Variants in LMF1 observed in about 807,000 individuals in gnomAD.
LMF1 encodes the protein lipase maturation factor 1.
LMF1 carries 68 observed loss-of-function variants against 60.6 expected under a neutral mutation model. The ratio of observed to expected loss-of-function variants is 1.12; its 90% confidence interval spans 0.92 to 1.37. The LOEUF (loss-of-function observed/expected upper bound fraction) is 1.37, where lower values mean the gene tolerates loss of function less well. Among genes scored for constraint, LMF1 ranks in the 40% most tolerant of loss-of-function variants. The pLI, the probability that LMF1 is intolerant of heterozygous loss-of-function variation, is 0.00. For missense variants in LMF1, 948 were observed against 767.2 expected (o/e 1.24, Z -2.78); for synonymous variants, 418 against 324.7 (o/e 1.29, Z -3.09).
chr16:966,036 C>G (rs369267643), intron 1 of LMF1, among the ~76,000 whole-genome samples: 14 of 152,104 alleles, frequency 9.2e-5, no homozygotes, highest in African/African-American at 2.2e-4. Context: ...CGGTGGTCAG[C>G]CCTGGGTGGG....
At chr16:896,706 G>A (rs573312054) in intron 4 of LMF1, among the ~76,000 whole-genome samples, 3 of 152,316 alleles carry the variant, frequency 2.0e-5, no homozygotes, top group South Asian at 2.1e-4. Context: ...CCCCCCGCAT[G>A]AGCACCAGCT....
At chr16:969,280 G>A (rs973063440) in intron 1 of LMF1, among the ~76,000 whole-genome samples, 1 of 151,982 alleles carries the variant, frequency 6.6e-6, no homozygotes, top group Non-Finnish European at 1.5e-5. Context: ...GTGCCGTTGC[G>A]CTCCAGCCTG....
chr16:856,736 G>A (rs2069194633), intron 10 of LMF1, among the ~76,000 whole-genome samples: 1 of 152,264 alleles, frequency 6.6e-6, no homozygotes, highest in African/African-American at 2.4e-5. Flanking sequence ...GGCCTGAAGG[G>A]TTGCATTTCA....
At chr16:954,971 T>TCTAAGCGAACCAGACACGTTACAAA (rs2072641607) in intron 1 of LMF1, among the ~76,000 whole-genome samples, 1 of 84,066 alleles carries the variant, frequency 1.2e-5, no homozygotes, top group African/African-American at 6.2e-5. Flanking sequence ...CACACACACA[T>TCTAAGCGAACCAGACACGTTACAAA]ATCTAAGTGA....
intron 1 of LMF1, among the ~76,000 whole-genome samples, chr16:965,204 C>T (rs747133874): frequency 2.6e-5 from 4 of 152,208 alleles, no homozygotes; most frequent in Non-Finnish European, 4.4e-5. Flanking sequence ...TAGGGCCTCG[C>T]GGAAGCCATG....
intron 2 of LMF1, among the ~76,000 whole-genome samples, chr16:936,325 G>A (rs1478897581): frequency 2.1e-5 from 3 of 141,724 alleles, no homozygotes; most frequent in Admixed American, 7.1e-5. Flanking sequence ...AAGGTGGCTG[G>A]GAGAGAGAGG....
At chr16:855,451 G>C in intron 10 of LMF1, 1 of 354,858 alleles carries the variant, frequency 2.8e-6, no homozygotes, top group Admixed American at 3.8e-5. Context: ...TCCCTGGCTG[G>C]CAAGCCCTCA....
intron 3 of LMF1, among the ~76,000 whole-genome samples, chr16:919,229 C>A (rs890960859): frequency 4.6e-5 from 7 of 152,132 alleles, no homozygotes; most frequent in African/African-American, 7.2e-5. Context: ...CAGGCACGAT[C>A]CACCCCACGT....
Position 907,482 on chromosome 16 carries a change from A to C in LMF1, c.663+3449T>G, listed in dbSNP as rs1206557572. On this transcript the variant is annotated intron_variant, in intron 4 of 10. Transcript: ENST00000262301. ...CAGCTGACGTCCAGCTCCGGCGGGC[A>C]CAGAGGCTGTGGCTTCTCCTTCCCT... Among the ~76,000 whole-genome samples, 3 of 151,806 alleles carry C rather than the reference A, an allele frequency of 2.0e-5. No homozygotes were observed. In the East Asian group the frequency reaches 5.8e-4, roughly 29 times the overall value.
chr16:937,502 G>T lies in LMF1; in HGVS notation c.504-3248C>A, dbSNP rs561763318. On this transcript the variant is annotated intron_variant, in intron 2 of 10. Coordinates refer to ENST00000262301, the MANE Select transcript of LMF1 (RefSeq NM_022773.4). ...TGGGGTCTCTGTTGACTGACAGGCT[G>T]CTGGGGTCTCTGTTGACCGACAGGC... Among the ~76,000 whole-genome samples the T allele has an allele frequency of 4.7e-5, 7 of 148,484 alleles. No individual in the cohort carries two copies. In the South Asian group the frequency reaches 1.5e-3, roughly 31 times the overall value.
chr16:924,766 C>CAACT (rs765654726), intron 3 of LMF1, among the ~76,000 whole-genome samples: 1 of 152,190 alleles, frequency 6.6e-6, no homozygotes, highest in Non-Finnish European at 1.5e-5. Context: ...AAAAAGCAAG[C>CAACT]AACTACAAGA....
rs746420044 is a variant in LMF1 at position 934,232 on chromosome 16, C to T, written c.514+12G>A. ...ACTCTCGCAGAGCTTTCTCTAAATG[C>T]ATCTCACTTACCGAAAGAGTACCTG... is the stretch of plus-strand genomic sequence containing the variant. On this transcript the variant is annotated intron_variant, in intron 3 of 10. Transcript: ENST00000262301. 3 of 1,599,376 alleles carry T rather than the reference C, an allele frequency of 1.9e-6. No individual in the cohort carries two copies. Among genetic ancestry groups the T allele is most frequent in the South Asian group, 1.1e-5 (1 of 91,082 alleles).
Position 871,343 on chromosome 16 carries a change from T to G in LMF1, c.898-2A>C, listed in dbSNP as rs1438763373. The G allele has an allele frequency of 6.2e-7, 1 of 1,611,266 alleles. No homozygotes were observed. The highest frequency in any genetic ancestry group is 1.3e-5 in the African/African-American group (1 of 74,786). On this transcript the variant is annotated splice_acceptor_variant, in intron 6 of 10. Transcript: ENST00000262301. LOFTEE classifies it high-confidence loss of function. ...GTTCCCGCTGACGATGAGGACGGCC[T>G]GTGGAGACGCCGCAGCTGAGTCTCG... is the stretch of plus-strand genomic sequence containing the variant.
chr16:892,496 A>C (rs887176085), intron 5 of LMF1, among the ~76,000 whole-genome samples: 3 of 152,246 alleles, frequency 2.0e-5, no homozygotes, highest in African/African-American at 7.2e-5. Flanking sequence ...GTTGGCAGGA[A>C]CTGGGGCGTC....
intron 2 of LMF1, among the ~76,000 whole-genome samples, chr16:942,107 C>T (rs2072114705): frequency 6.6e-6 from 1 of 152,172 alleles, no homozygotes; most frequent in Non-Finnish European, 1.5e-5. Flanking sequence ...GCTGGCAAAG[C>T]CTTCTCTCAG....
intron 10 of LMF1, among the ~76,000 whole-genome samples, chr16:857,440 C>T (rs1368302895): frequency 3.4e-5 from 5 of 148,834 alleles, no homozygotes; most frequent in African/African-American, 1.0e-4. Flanking sequence ...AGTGGTGTCA[C>T]GGGACGGGTG....
At chr16:900,229 A>G (rs1172102554) in intron 4 of LMF1, 1 of 152,164 alleles carries the variant, frequency 6.6e-6, no homozygotes, top group Non-Finnish European at 1.5e-5. Flanking sequence ...CAGCCTGGCT[A>G]TGGCTTCCTG....
At chr16:955,681 C>T (rs1305276457) in intron 1 of LMF1, among the ~76,000 whole-genome samples, 1 of 152,182 alleles carries the variant, frequency 6.6e-6, no homozygotes, top group African/African-American at 2.4e-5. Context: ...GCAGCAGATG[C>T]AGTGTGTATA....
Position 858,958 on chromosome 16 carries a change from G to GGTGTGAGTGGTGTCACGGGACGC in LMF1, c.1530-4253_1530-4252insGCGTCCCGTGACACCACTCACAC, listed in dbSNP as rs2069318308. ...GGGTGTGCAGTGGTGTCACGGGACG[G>GGTGTGAGTGGTGTCACGGGACGC]GTGTGCAGTGGTGTCACGGGACGGG... On this transcript the variant is annotated intron_variant, in intron 10 of 10. Transcript: ENST00000262301. Among the ~76,000 whole-genome samples, 2 of 37,346 alleles carry GGTGTGAGTGGTGTCACGGGACGC rather than the reference G, an allele frequency of 5.4e-5. 1 individual carries two copies. Among genetic ancestry groups the GGTGTGAGTGGTGTCACGGGACGC allele is most frequent in the Non-Finnish European group, 1.0e-4 (2 of 20,024 alleles). 24.5% of individuals were successfully genotyped at this position (37,346 alleles called of 152,430 possible). A position where few individuals can be genotyped will look rare whatever the true frequency, so the allele number is the denominator to read the frequency against.
Sources: gnomAD v4.1 joint callset for allele counts (sites outside exome capture counted in the v4.1 genomes callset) on GRCh38, gnomAD v4.1.1 for gene constraint, MANE v1.5 for transcripts, NCBI Gene and HGNC (gene_info 2026-07-23, HGNC 2026-07-21) for gene names.